The following CADPS2 variants were observed in gnomAD, a reference collection of about 807,000 sequenced individuals.
CADPS2 encodes the protein calcium dependent secretion activator 2, also known as calcium-dependent secretion activator 2.
A neutral mutation model predicts 172.5 loss-of-function variants in CADPS2; 93 were observed. The ratio of observed to expected loss-of-function variants is 0.54; its 90% CI spans 0.46 to 0.64. The LOEUF is 0.64. CADPS2 is among the 30% of genes least tolerant of loss of function. The pLI is 0.00. For missense variants in CADPS2, 1,420 were observed against 1,565.9 expected, an observed-to-expected ratio of 0.91 and a Z score of 1.57; for synonymous variants, 546 against 555.2, an observed-to-expected ratio of 0.98 and a Z score of 0.23.
chr7:122,875,175 C>T (rs865964888), intron 1 of CADPS2, among the ~76,000 whole-genome samples: 8 of 152,250 alleles, frequency 5.3e-5, no homozygotes, highest in Non-Finnish European at 5.9e-5. Context: ...TTACATTAGA[C>T]GCATAACTAG....
intron 2 of CADPS2, among the ~76,000 whole-genome samples, chr7:122,716,849 GA>G (rs1323351772): frequency 6.6e-6 from 1 of 152,048 alleles, no homozygotes; most frequent in Non-Finnish European, 1.5e-5. Flanking sequence ...GGGAGGCCCA[GA>G]AAGGGAAACA....
At chr7:122,466,958 C>T (rs1586327446) in intron 14 of CADPS2, among the ~76,000 whole-genome samples, 1 of 152,134 alleles carries the variant, frequency 6.6e-6, no homozygotes, top group Admixed American at 6.5e-5. Flanking sequence ...TTTTGAAAGG[C>T]ACAATTATCT....
chr7:122,459,158 T>G (rs2054152042), intron 14 of CADPS2, among the ~76,000 whole-genome samples: 1 of 151,910 alleles, frequency 6.6e-6, no homozygotes, highest in South Asian at 2.1e-4. Context: ...AATTTGATTG[T>G]TTTAACGAAC....
chr7:122,432,377 T>A (rs977946188), intron 17 of CADPS2, among the ~76,000 whole-genome samples: 3 of 152,082 alleles, frequency 2.0e-5, no homozygotes, highest in African/African-American at 7.2e-5. Context: ...CTGTGGCTCA[T>A]GCTTGTAATC....
chr7:122,811,718 G>T (rs1800062963), intron 1 of CADPS2, among the ~76,000 whole-genome samples: 2 of 152,008 alleles, frequency 1.3e-5, no homozygotes, highest in South Asian at 4.2e-4. Context: ...TATGGTCTTT[G>T]GTGCATATTA....
intron 1 of CADPS2, among the ~76,000 whole-genome samples, chr7:122,766,770 C>T (rs1166312467): frequency 6.6e-6 from 1 of 152,116 alleles, no homozygotes; most frequent in Non-Finnish European, 1.5e-5. Context: ...CAGATCATGA[C>T]ATCATAGCTG....
At chr7:122,463,736 G>T (rs993564001) in intron 14 of CADPS2, among the ~76,000 whole-genome samples, 2 of 152,134 alleles carry the variant, frequency 1.3e-5, no homozygotes, top group African/African-American at 4.8e-5. Flanking sequence ...ATTTTGACTG[G>T]AAACTGAAAG....
intron 7 of CADPS2, among the ~76,000 whole-genome samples, chr7:122,571,635 G>A (rs1027913184): frequency 7.9e-5 from 12 of 152,110 alleles, no homozygotes; most frequent in Non-Finnish European, 1.8e-4. Context: ...TAATAAGCCA[G>A]ACCTAATTAG....
chr7:122,369,772 C>T (rs2041528534), intron 25 of CADPS2: 1 of 152,186 alleles, frequency 6.6e-6, no homozygotes. Context: ...GTACTCCTTA[C>T]TATTTCCCTT....
At chr7:122,661,158 C>T (rs1030332288) in intron 3 of CADPS2, among the ~76,000 whole-genome samples, 6 of 152,122 alleles carry the variant, frequency 3.9e-5, no homozygotes, top group Admixed American at 6.6e-5. Context: ...ACATAACAAT[C>T]CTACTACAAA....
At chr7:122,448,147 C>T (rs1586145191) in intron 15 of CADPS2, among the ~76,000 whole-genome samples, 1 of 152,226 alleles carries the variant, frequency 6.6e-6, no homozygotes, top group Admixed American at 6.5e-5. Context: ...AAAGTAGGAG[C>T]TCAATAAATA....
intron 2 of CADPS2, chr7:122,702,044 A>G: frequency 6.2e-7 from 1 of 1,613,630 alleles, no homozygotes; most frequent in Middle Eastern, 1.7e-4. Context: ...AAGCTGGTCA[A>G]TAGCTTTCTT....
chr7:122,514,211 G>A (rs915523911), intron 8 of CADPS2, among the ~76,000 whole-genome samples: 11 of 152,014 alleles, frequency 7.2e-5, no homozygotes, highest in African/African-American at 2.7e-4. Flanking sequence ...AAATATGACA[G>A]AGGCCTAATT....
chr7:122,666,982 G>C (rs2081257915), intron 2 of CADPS2, among the ~76,000 whole-genome samples: 1 of 152,126 alleles, frequency 6.6e-6, no homozygotes, highest in Non-Finnish European at 1.5e-5. Flanking sequence ...CCTGGGGGAG[G>C]GGGTGCCTCT....
intron 6 of CADPS2, among the ~76,000 whole-genome samples, chr7:122,600,249 A>G (rs1229853268): frequency 6.6e-6 from 1 of 152,042 alleles, no homozygotes; most frequent in South Asian, 2.1e-4. Context: ...AGCTCCATGG[A>G]GTCAAAGCAA....
intron 14 of CADPS2, among the ~76,000 whole-genome samples, chr7:122,462,539 T>C (rs2054581755): frequency 6.6e-6 from 1 of 152,196 alleles, no homozygotes; most frequent in African/African-American, 2.4e-5. Flanking sequence ...TTTTATCAAT[T>C]ACATGATAAA....
At chr7:122,848,329 T>C (rs1812596945) in intron 1 of CADPS2, among the ~76,000 whole-genome samples, 1 of 152,070 alleles carries the variant, frequency 6.6e-6, no homozygotes, top group Admixed American at 6.6e-5. Flanking sequence ...AGAAACTGAA[T>C]CTCTCCTCAA....
At chr7:122,555,700 G>C (rs1253484300) in intron 7 of CADPS2, among the ~76,000 whole-genome samples, 1 of 152,016 alleles carries the variant, frequency 6.6e-6, no homozygotes, top group Non-Finnish European at 1.5e-5. Flanking sequence ...AAATTTCTTT[G>C]TAATACTGTT....
chr7:122,762,029 TACACAC>T (rs55789434), intron 1 of CADPS2, among the ~76,000 whole-genome samples: 24,672 of 123,990 alleles, frequency 0.2, 2,697 homozygotes, highest in Middle Eastern at 0.28. Flanking sequence ...TATATATATA[TACACAC>T]ACACACACAC....
Sources: gnomAD v4.1 joint callset for allele counts (sites outside exome capture counted in the v4.1 genomes callset) on GRCh38, gnomAD v4.1.1 for gene constraint, MANE v1.5 for transcripts, NCBI Gene and HGNC (gene_info 2026-07-23, HGNC 2026-07-21) for gene names.